The following MSRA variants were observed in gnomAD, a reference collection of about 807,000 sequenced individuals.
MSRA encodes methionine sulfoxide reductase A.
In MSRA, 54 loss-of-function variants were observed where a neutral mutation model predicts 31.3. That is an observed-to-expected ratio of 1.73 (90% CI 1.39 to 2.17). The LOEUF is 2.17. Among genes scored for constraint, MSRA ranks in the 30% most tolerant of loss-of-function variants. The pLI, the probability that MSRA is intolerant of heterozygous loss-of-function variation, is 0.00. For synonymous variants in MSRA, 169 were observed against 116.5 expected, an observed-to-expected ratio of 1.45 and a Z score of -2.90; for missense variants, 507 against 300.9, an observed-to-expected ratio of 1.69 and a Z score of -5.07.
intron 5 of MSRA, among the ~76,000 whole-genome samples, chr8:10,323,782 C>G (rs202129480): frequency 2.7e-3 from 211 of 76,898 alleles, no homozygotes; most frequent in Admixed American, 6.8e-3. Flanking sequence ...GTGTCTGTGT[C>G]TGTCTGTCTG....
chr8:10,147,925 G>T (rs1803300834), intron 1 of MSRA, among the ~76,000 whole-genome samples: 1 of 152,222 alleles, frequency 6.6e-6, no homozygotes, highest in African/African-American at 2.4e-5. Context: ...AAACTCCAAA[G>T]AGCGGGAAAA....
chr8:10,073,374 C>T (rs1036811260), intron 1 of MSRA, among the ~76,000 whole-genome samples: 2 of 152,136 alleles, frequency 1.3e-5, no homozygotes, highest in Admixed American at 6.5e-5. Context: ...GGAACACAGG[C>T]ATGCTTATTG....
intron 5 of MSRA, among the ~76,000 whole-genome samples, chr8:10,407,819 G>C (rs995655661): frequency 1.3e-5 from 2 of 152,142 alleles, no homozygotes; most frequent in African/African-American, 4.8e-5. Flanking sequence ...ATTCTTGCTT[G>C]CTCCTTACAT....
At chr8:10,088,405 G>C (rs752541494) in intron 1 of MSRA, among the ~76,000 whole-genome samples, 4 of 152,154 alleles carry the variant, frequency 2.6e-5, no homozygotes, top group African/African-American at 4.8e-5. Context: ...CAGCATTATT[G>C]ACAATAGCTA....
At chr8:10,141,991 A>C (rs1802752724) in intron 1 of MSRA, among the ~76,000 whole-genome samples, 1 of 152,056 alleles carries the variant, frequency 6.6e-6, no homozygotes, top group Non-Finnish European at 1.5e-5. Flanking sequence ...GGAGTTTCGC[A>C]CTTGTTTCCC....
intron 1 of MSRA, among the ~76,000 whole-genome samples, chr8:10,157,258 G>C (rs1000212291): frequency 2.0e-5 from 3 of 152,060 alleles, no homozygotes; most frequent in Admixed American, 6.6e-5. Context: ...TATGGTATTT[G>C]AGTTTAAGTG....
chr8:10,329,458 A>T (rs1802566633), intron 5 of MSRA, among the ~76,000 whole-genome samples: 1 of 152,212 alleles, frequency 6.6e-6, no homozygotes, highest in Non-Finnish European at 1.5e-5. Flanking sequence ...TAATAAGGAC[A>T]CTGACAGTTG....
chr8:10,368,677 A>T (rs1805305261), intron 5 of MSRA, among the ~76,000 whole-genome samples: 1 of 152,266 alleles, frequency 6.6e-6, no homozygotes, highest in African/African-American at 2.4e-5. Flanking sequence ...CTCTTTTATT[A>T]AAACAAAGCA....
intron 4 of MSRA, among the ~76,000 whole-genome samples, chr8:10,314,413 T>C (rs1801602154): frequency 6.6e-6 from 1 of 152,044 alleles, no homozygotes; most frequent in Non-Finnish European, 1.5e-5. Context: ...ATTAACGTTA[T>C]TAATCAGGAA....
rs1486881053 is a variant in MSRA at position 10,054,481 on chromosome 8, C to G, written c.-36C>G. 6.5e-7 allele frequency: 1 copy of G among 1,546,946 alleles called. No individual in the cohort carries two copies. Among genetic ancestry groups the G allele is most frequent in the Non-Finnish European group, 8.7e-7 (1 of 1,147,428 alleles). On this transcript the variant is annotated 5_prime_UTR_variant, in exon 1 of 6. Transcript: ENST00000317173. The stretch of plus-strand genomic sequence containing the variant: ...GCTGCGGCTCCGCTGCCGGTAGCGC[C>G]GTCCCCCGGGACCACCCTTCGGCTG...
intron 1 of MSRA, among the ~76,000 whole-genome samples, chr8:10,086,297 T>C (rs1307475374): frequency 6.6e-6 from 1 of 152,360 alleles, no homozygotes; most frequent in Non-Finnish European, 1.5e-5. Context: ...ATGCTGGTGC[T>C]ACCATTTAAT....
At position 10,054,541 on chromosome 8, in the gene MSRA, T is replaced by G; in HGVS notation, c.25T>G (p.Cys9Gly). 3 of 1,586,360 alleles carry G rather than the reference T, an allele frequency of 1.9e-6. No individual in the cohort carries two copies. The highest frequency in any genetic ancestry group is 1.7e-6 in the Non-Finnish European group (2 of 1,166,888). The change falls in exon 1 of 6, where the codon TGC (cysteine) becomes GGC (glycine). Residue 9 changes from cysteine (C) to glycine (G), a missense_variant. Coordinates refer to ENST00000317173, the MANE Select transcript of MSRA (RefSeq NM_012331.5). MLSATRRACQLLLLHSLFP... is the reference protein window; with the variant it reads MLSATRRAGQLLLLHSLFP... ...CATGCTCTCGGCCACCCGGAGGGCT[T>G]GCCAGCTCCTCCTCCTCCACAGCCT...
At chr8:10,177,636 G>A (rs1274370206) in intron 1 of MSRA, among the ~76,000 whole-genome samples, 1 of 152,174 alleles carries the variant, frequency 6.6e-6, no homozygotes, top group Non-Finnish European at 1.5e-5. Context: ...TTGGTGACAT[G>A]ATGTATACCA....
At chr8:10,185,488 C>T (rs1401812426) in intron 1 of MSRA, among the ~76,000 whole-genome samples, 3 of 143,066 alleles carry the variant, frequency 2.1e-5, no homozygotes, top group Non-Finnish European at 3.1e-5. Flanking sequence ...CTGAAGATGC[C>T]ACTGGGGGAA....
chr8:10,137,542 C>G (rs780057658), intron 1 of MSRA, among the ~76,000 whole-genome samples: 5 of 152,154 alleles, frequency 3.3e-5, no homozygotes, highest in Admixed American at 6.5e-5. Flanking sequence ...CTATAACAAA[C>G]GAACTAACCC....
At chr8:10,115,358 C>G (rs1585180577) in intron 1 of MSRA, among the ~76,000 whole-genome samples, 4 of 152,312 alleles carry the variant, frequency 2.6e-5, no homozygotes, top group African/African-American at 7.2e-5. Context: ...ACAGAGCTGG[C>G]TGTGATGCAG....
At chr8:10,199,260 G>A (rs1808275243) in intron 1 of MSRA, among the ~76,000 whole-genome samples, 1 of 152,142 alleles carries the variant, frequency 6.6e-6, no homozygotes, top group Non-Finnish European at 1.5e-5. Context: ...CAGTCTCAGG[G>A]AATAGGGGGC....
intron 1 of MSRA, among the ~76,000 whole-genome samples, chr8:10,148,761 T>A (rs1803385163): frequency 6.8e-6 from 1 of 146,644 alleles, no homozygotes; most frequent in African/African-American, 2.5e-5. Flanking sequence ...AAGATCTCAT[T>A]ACTGCACTCT....
chr8:10,204,418 C>G (rs1395069107), intron 1 of MSRA, among the ~76,000 whole-genome samples: 1 of 152,142 alleles, frequency 6.6e-6, no homozygotes, highest in Non-Finnish European at 1.5e-5. Context: ...GACAGGTGTA[C>G]CTTTTTTTTA....
Sources: gnomAD v4.1 joint callset for allele counts (sites outside exome capture counted in the v4.1 genomes callset) on GRCh38, gnomAD v4.1.1 for gene constraint, MANE v1.5 for transcripts, NCBI Gene and HGNC (gene_info 2026-07-23, HGNC 2026-07-21) for gene names.